Variants in TBC1D16 observed in about 807,000 individuals in gnomAD.
The protein encoded by TBC1D16 is CTD-2529O21.1.
In TBC1D16, 58 loss-of-function variants were observed where a neutral mutation model predicts 74.7. The ratio of observed to expected loss-of-function variants is 0.78; its 90% CI spans 0.63 to 0.97. TBC1D16 has a LOEUF of 0.97. Among genes scored for constraint, TBC1D16 ranks in the 50% least tolerant of loss-of-function variants. The pLI is 0.00. For synonymous variants in TBC1D16, 493 were observed against 474.7 expected (o/e 1.04, Z -0.50); for missense variants, 1,014 against 1,079.5 (o/e 0.94, Z 0.85).
intron 3 of TBC1D16, among the ~76,000 whole-genome samples, chr17:79,970,135 C>G (rs183337744): frequency 6.6e-6 from 1 of 152,108 alleles, no homozygotes; most frequent in Non-Finnish European, 1.5e-5. Context: ...TGTTACAACA[C>G]GGATGAATCC....
At chr17:80,022,835 A>T (rs1216864366) in intron 1 of TBC1D16, among the ~76,000 whole-genome samples, 1 of 148,796 alleles carries the variant, frequency 6.7e-6, no homozygotes, top group African/African-American at 2.6e-5. Flanking sequence ...CGGTTTTGCC[A>T]TGTTGGCCAG....
At chr17:80,016,782 C>T (rs2036105476) in intron 1 of TBC1D16, among the ~76,000 whole-genome samples, 1 of 152,198 alleles carries the variant, frequency 6.6e-6, no homozygotes, top group Admixed American at 6.5e-5. Flanking sequence ...CAGCCTCCCC[C>T]AGCCCTGTTT....
At position 79,988,135 on chromosome 17, in the gene TBC1D16, T is replaced by C. The variant is rs1005892339; in HGVS notation, c.779+22025A>G. Among the ~76,000 whole-genome samples, 1 of 152,208 alleles carries C rather than the reference T, an allele frequency of 6.6e-6. No individual in the cohort carries two copies. The highest frequency in any genetic ancestry group is 2.4e-5 in the African/African-American group (1 of 41,464). ...GTGTTTAGAAGGGAGAGGGGGATGA[T>C]AGCACGTCCTGCCAGAAGCCGTTTT... On this transcript the variant is annotated intron_variant, in intron 3 of 11. Coordinates refer to ENST00000310924, the MANE Select transcript of TBC1D16 (RefSeq NM_019020.4). This position sits in a 1 kb window ranked among gnomAD's most constrained non-coding sequence, Gnocchi z 5.7.
Position 79,958,304 on chromosome 17 carries a change from C to T in TBC1D16, c.780-5486G>A, listed in dbSNP as rs545497058. On this transcript the variant is annotated intron_variant, in intron 3 of 11. Coordinates refer to ENST00000310924, the MANE Select transcript of TBC1D16 (RefSeq NM_019020.4). ...GCAAGATCTCGGCTCACTGCAACCTCCACCTCCCGGGTTCAAGCGATTCTC... is the reference window on the plus strand; with the variant it reads ...GCAAGATCTCGGCTCACTGCAACCTTCACCTCCCGGGTTCAAGCGATTCTC... Among the ~76,000 whole-genome samples the T allele has an allele frequency of 3.3e-5, 5 of 151,684 alleles. No individual in the cohort carries two copies. In the South Asian group the frequency reaches 1.0e-3, roughly 32 times the overall value.
intron 3 of TBC1D16, among the ~76,000 whole-genome samples, chr17:79,959,783 A>G (rs1297546132): frequency 6.6e-6 from 1 of 152,232 alleles, no homozygotes; most frequent in Non-Finnish European, 1.5e-5. Context: ...GTAAGAGAAA[A>G]CCTGTGTAAC....
At chr17:79,942,452 C>T (rs930579964) in intron 10 of TBC1D16, among the ~76,000 whole-genome samples, 17 of 145,480 alleles carry the variant, frequency 1.2e-4, no homozygotes, top group African/African-American at 3.6e-4. Context: ...CCAGAGGGGA[C>T]GATGCTGAGC....
intron 3 of TBC1D16, among the ~76,000 whole-genome samples, chr17:80,005,246 C>T (rs1313189496): frequency 6.6e-6 from 1 of 152,164 alleles, no homozygotes; most frequent in Non-Finnish European, 1.5e-5. Context: ...CCACACCCAG[C>T]TAATTTTTTT....
intron 3 of TBC1D16, among the ~76,000 whole-genome samples, chr17:79,995,922 G>T (rs963831309): frequency 4.6e-5 from 7 of 152,164 alleles, no homozygotes; most frequent in Admixed American, 4.6e-4. Context: ...TTTGCTTTGT[G>T]CAAGATCCTG....
rs935531323 is a variant in TBC1D16 at position 79,986,637 on chromosome 17, C to T, written c.779+23523G>A. 2.6e-5 allele frequency among the ~76,000 whole-genome samples: 4 copies of T among 152,156 alleles called. No individual in the cohort carries two copies. The highest frequency in any genetic ancestry group is 4.8e-5 in the African/African-American group (2 of 41,436). ...CTGCCCTGACAGAGTGACCAGTACC[C>T]GCAGCACCCGAGTTCTTTGCCTCTT... On this transcript the variant is annotated intron_variant, in intron 3 of 11. Transcript: ENST00000310924. The surrounding 1 kb of genome is among the most constrained non-coding windows in gnomAD (Gnocchi z 6.0).
chr17:79,947,598 A>G, intron 9 of TBC1D16, 47 bp downstream of exon 9: 2 of 1,596,358 alleles, frequency 1.3e-6, no homozygotes, highest in South Asian at 2.2e-5. Flanking sequence ...GAGAGGCAAC[A>G]CGGGCCCTCA....
chr17:79,963,513 T>C (rs2033713284), intron 3 of TBC1D16, among the ~76,000 whole-genome samples: 1 of 152,240 alleles, frequency 6.6e-6, no homozygotes, highest in Non-Finnish European at 1.5e-5. Flanking sequence ...GGTTGCTCTA[T>C]GTTCTTATGT....
intron 3 of TBC1D16, among the ~76,000 whole-genome samples, chr17:79,973,701 C>G (rs940978716): frequency 8.3e-5 from 12 of 144,700 alleles, no homozygotes; most frequent in Non-Finnish European, 1.4e-4. Context: ...CAGAGCGAGA[C>G]TCTGTCTCAA....
intron 1 of TBC1D16, among the ~76,000 whole-genome samples, chr17:80,034,623 T>C (rs977059928): frequency 2.6e-5 from 4 of 152,240 alleles, no homozygotes; most frequent in Non-Finnish European, 5.9e-5. Context: ...TAATGAACTT[T>C]GTAGTTAATA....
chr17:79,976,621 A>T (rs543100237), intron 3 of TBC1D16, among the ~76,000 whole-genome samples: 2 of 152,330 alleles, frequency 1.3e-5, no homozygotes, highest in African/African-American at 4.8e-5. Flanking sequence ...AGATCCAAAC[A>T]GCAAGACCCC....
chr17:79,954,552 C>T lies in TBC1D16; in HGVS notation c.780-1734G>A, dbSNP rs1217131747. Among the ~76,000 whole-genome samples the T allele has an allele frequency of 6.6e-6, 1 of 152,088 alleles. No homozygotes were observed. Among genetic ancestry groups the T allele is most frequent in the Non-Finnish European group, 1.5e-5 (1 of 68,000 alleles). On this transcript the variant is annotated intron_variant, in intron 3 of 11. Coordinates refer to ENST00000310924, the MANE Select transcript of TBC1D16 (RefSeq NM_019020.4). The surrounding 1 kb of genome is among the most constrained non-coding windows in gnomAD (Gnocchi z 5.5). ...ATCACCTGAACTGCCGTGGCTGCGC[C>T]GCGGACGGGCCCAGAAGACCGAGGG...
chr17:79,938,291 G>A lies in TBC1D16; in HGVS notation c.*2568C>T, dbSNP rs1278671051. 6.6e-6 allele frequency: 1 copy of A among 152,344 alleles called. No homozygotes were observed. Among genetic ancestry groups the A allele is most frequent in the East Asian group, 1.9e-4 (1 of 5,190 alleles). 9.4% of individuals were successfully genotyped at this position (152,344 alleles called of 1,614,324 possible). On this transcript the variant is annotated 3_prime_UTR_variant, in exon 12 of 12. Transcript: ENST00000310924. Reference sequence around the variant, plus strand: ...GGTCCTGGCTGGTCCGAGAGGTGCAGACCTCACTGGGGTCCGGGCCAGCCC... The same window carrying A: ...GGTCCTGGCTGGTCCGAGAGGTGCAAACCTCACTGGGGTCCGGGCCAGCCC...
At chr17:79,965,294 C>T (rs2033795390) in intron 3 of TBC1D16, among the ~76,000 whole-genome samples, 1 of 152,038 alleles carries the variant, frequency 6.6e-6, no homozygotes, top group South Asian at 2.1e-4. Flanking sequence ...GTTGGCCAGG[C>T]TGGTCTTTAA....
Position 79,944,732 on chromosome 17 carries a change from G to A in TBC1D16, c.1908+176C>T, listed in dbSNP as rs1161030466. On this transcript the variant is annotated intron_variant, in intron 10 of 11. Transcript: ENST00000310924. The surrounding 1 kb of genome is among the most constrained non-coding windows in gnomAD (Gnocchi z 7.7). Reference sequence around the variant, plus strand: ...CATCGATTTCAGTGACTGGGGAGGCGAGCTGTAAGGTCTGAAGCCAGCCAC... The same window carrying A: ...CATCGATTTCAGTGACTGGGGAGGCAAGCTGTAAGGTCTGAAGCCAGCCAC... 6.6e-6 allele frequency among the ~76,000 whole-genome samples: 1 copy of A among 152,180 alleles called. No homozygotes were observed. Among genetic ancestry groups the A allele is most frequent in the Non-Finnish European group, 1.5e-5 (1 of 68,036 alleles).
chr17:79,987,949 G>C lies in TBC1D16; in HGVS notation c.779+22211C>G, dbSNP rs1222631339. On this transcript the variant is annotated intron_variant, in intron 3 of 11. Coordinates refer to ENST00000310924, the MANE Select transcript of TBC1D16 (RefSeq NM_019020.4). The surrounding 1 kb of genome is among the most constrained non-coding windows in gnomAD (Gnocchi z 5.2). ...GCTCTCGGATTTTACGCCTGCATGAGATTTCGAGGGAAGAATCCTAAATGT... is the reference window on the plus strand; with the variant it reads ...GCTCTCGGATTTTACGCCTGCATGACATTTCGAGGGAAGAATCCTAAATGT... 6.6e-6 allele frequency among the ~76,000 whole-genome samples: 1 copy of C among 152,098 alleles called. No individual in the cohort carries two copies. Among genetic ancestry groups the C allele is most frequent in the Admixed American group, 6.5e-5 (1 of 15,276 alleles).
Sources: gnomAD v4.1 joint callset for allele counts (sites outside exome capture counted in the v4.1 genomes callset) on GRCh38, gnomAD v4.1.1 for gene constraint, Gnocchi (gnomAD v3.1) non-coding constraint, MANE v1.5 for transcripts, NCBI Gene and HGNC (gene_info 2026-07-23, HGNC 2026-07-21) for gene names.